PCDHA2: variants seen among roughly 807,000 people sequenced by gnomAD.
PCDHA2 encodes protocadherin alpha 2.
A neutral mutation model predicts 66.0 loss-of-function variants in PCDHA2; 58 were observed. The observed-to-expected ratio is 0.88, with a 90% CI of 0.71 to 1.09. PCDHA2 has a LOEUF of 1.09. Among genes scored for constraint, PCDHA2 ranks in the 50% least tolerant of loss-of-function variants. The pLI is 0.00. For missense variants in PCDHA2, 1,267 were observed against 1,242.3 expected, an observed-to-expected ratio of 1.02 and a Z score of -0.30; for synonymous variants, 634 against 554.0, an observed-to-expected ratio of 1.14 and a Z score of -2.03.
intron 3 of PCDHA2, among the ~76,000 whole-genome samples, chr5:141,007,395 CAAAAAAA>C (rs35800918): frequency 2.2e-3 from 204 of 94,846 alleles, no homozygotes; most frequent in African/African-American, 7.3e-3. Flanking sequence ...TACTAAAATA[CAAAAAAA>C]AAAAAAAAAA....
intron 1 of PCDHA2, among the ~76,000 whole-genome samples, chr5:140,896,320 C>G (rs1583228292): frequency 6.6e-6 from 1 of 152,182 alleles, no homozygotes; most frequent in Non-Finnish European, 1.5e-5. Context: ...CTGCTTTCCA[C>G]AGTGGCTAAA....
Position 140,928,140 on chromosome 5 carries a change from G to GGCC in PCDHA2, c.2389-50808_2389-50806dup. 3 of 1,614,154 alleles carry GGCC rather than the reference G, an allele frequency of 1.9e-6. No homozygotes were observed. The South Asian group carries it at 3.3e-5, about 18-fold the overall frequency. On this transcript the variant is annotated intron_variant, in intron 1 of 3. Transcript: ENST00000526136. ...TCAGTGAATACCAAGTCCTGATCAC[G>GGCC]GCCTCAGATAGTGGCTCACCCCCAC...
intron 1 of PCDHA2, chr5:140,821,766 C>G (rs1424332975): frequency 3.8e-6 from 6 of 1,592,294 alleles, no homozygotes; most frequent in Admixed American, 3.5e-5. Flanking sequence ...ATAATTGGAA[C>G]GAGATTGAGA....
intron 1 of PCDHA2, chr5:140,853,279 A>T: frequency 1.0e-6 from 1 of 979,476 alleles, no homozygotes; most frequent in African/African-American, 1.8e-5. Flanking sequence ...CTCTCATCAT[A>T]TGCAAATTCT....
At chr5:140,940,028 G>T (rs782276273) in intron 1 of PCDHA2, among the ~76,000 whole-genome samples, 1 of 152,048 alleles carries the variant, frequency 6.6e-6, no homozygotes, top group African/African-American at 2.4e-5. Context: ...ATGTTTTAAG[G>T]CTATTTTATT....
Position 140,850,654 on chromosome 5 carries a change from T to C in PCDHA2, c.2388+53302T>C, listed in dbSNP as rs2150492397. On this transcript the variant is annotated intron_variant, in intron 1 of 3. Coordinates refer to ENST00000526136, the MANE Select transcript of PCDHA2 (RefSeq NM_018905.3). ...GTTCTCACGCTGCTGCTGTACACTG[T>C]GCTGCGGTGCTCGGCGATGCCCACC... The C allele has an allele frequency of 1.6e-5, 25 of 1,598,638 alleles. 2 individuals are homozygous for C. The highest frequency in any genetic ancestry group is 2.1e-5 in the Non-Finnish European group (25 of 1,167,896).
At chr5:140,802,912 G>A in intron 1 of PCDHA2, 1 of 1,613,746 alleles carries the variant, frequency 6.2e-7, no homozygotes, top group Non-Finnish European at 8.5e-7. Flanking sequence ...CGGGTGGGTG[G>A]CATCGGTGGC....
intron 1 of PCDHA2, among the ~76,000 whole-genome samples, chr5:140,921,179 GT>G (rs1563044506): frequency 6.6e-6 from 1 of 151,662 alleles, no homozygotes; most frequent in South Asian, 2.1e-4. Context: ...ATAAAGCACA[GT>G]TTTTTCACAA....
chr5:140,927,306 G>T (rs782091835), intron 1 of PCDHA2: 10 of 1,614,040 alleles, frequency 6.2e-6, no homozygotes, highest in Non-Finnish European at 5.9e-6. Context: ...AGTTCCTGAC[G>T]CCCGGAGCCC....
intron 1 of PCDHA2, among the ~76,000 whole-genome samples, chr5:140,898,035 T>G (rs1227571900): frequency 5.9e-5 from 9 of 152,120 alleles, no homozygotes; most frequent in African/African-American, 2.2e-4. Context: ...TTGATGGGGT[T>G]GTTTGTTTTT....
chr5:140,951,141 T>G (rs2094552248), intron 1 of PCDHA2, among the ~76,000 whole-genome samples: 1 of 100,612 alleles, frequency 9.9e-6, no homozygotes, highest in Non-Finnish European at 2.0e-5. Context: ...TTCCTTTATC[T>G]TATTGAATAT....
chr5:140,945,807 C>G (rs1408404648), intron 1 of PCDHA2, among the ~76,000 whole-genome samples: 1 of 152,120 alleles, frequency 6.6e-6, no homozygotes, highest in African/African-American at 2.4e-5. Context: ...AGACCCTTAT[C>G]TCACACTGTA....
rs1413393487 is a variant in PCDHA2, at chr5:140,941,341, G to T, written c.2389-37608G>T. On this transcript the variant is annotated intron_variant, in intron 1 of 3. Coordinates refer to ENST00000526136, the MANE Select transcript of PCDHA2 (RefSeq NM_018905.3). ...TCTCTTTTTTTTTTTTTTTCAGATG[G>T]AGTCTTGCTCTGTTGCCTAGGCTGG... Among the ~76,000 whole-genome samples the T allele has an allele frequency of 2.5e-5, 3 of 119,500 alleles. No homozygotes were observed. The East Asian group carries it at 8.2e-4, about 33-fold the overall frequency. 78.4% of individuals were successfully genotyped at this position (119,500 alleles called of 152,430 possible).
intron 1 of PCDHA2, chr5:140,870,529 G>C: frequency 6.2e-7 from 1 of 1,614,214 alleles, no homozygotes. Flanking sequence ...CATCTTCACA[G>C]TGTCGGCGCG....
chr5:140,850,984 T>G (rs2150504982), intron 1 of PCDHA2: 15 of 1,451,674 alleles, frequency 1.0e-5, no homozygotes, highest in Non-Finnish European at 1.3e-5. Flanking sequence ...GTTTTATTCA[T>G]TTTTCTAGAA....
rs529585383 is a variant in PCDHA2 at position 140,982,571 on chromosome 5, G to T, written c.2536+8G>T. 243 of 1,613,888 alleles carry T rather than the reference G, an allele frequency of 1.5e-4. 4 individuals carry two copies. The South Asian group carries it at 2.5e-3, about 17-fold the overall frequency. ...TATCCAGTGCAACACCAGGTAAAGAGCTGGGGTCTCTCCATTCTTTCTTGG... is the reference window on the plus strand; with the variant it reads ...TATCCAGTGCAACACCAGGTAAAGATCTGGGGTCTCTCCATTCTTTCTTGG... On this transcript the variant is annotated splice_region_variant and intron_variant, in intron 3 of 3. Transcript: ENST00000526136.
At chr5:140,910,197 T>C (rs1318749477) in intron 1 of PCDHA2, among the ~76,000 whole-genome samples, 1 of 152,202 alleles carries the variant, frequency 6.6e-6, no homozygotes, top group African/African-American at 2.4e-5. Context: ...TAGTCTTTTG[T>C]CCACTTGACC....
chr5:140,933,388 G>A lies in PCDHA2; in HGVS notation c.2389-45561G>A, dbSNP rs142801424. On this transcript the variant is annotated intron_variant, in intron 1 of 3. Transcript: ENST00000526136. Reference sequence around the variant, plus strand: ...CCCAAATTCCTTGGCTGTTCCTAGAGCCATCTGGTTACCATCTACAGATAT... The same window carrying A: ...CCCAAATTCCTTGGCTGTTCCTAGAACCATCTGGTTACCATCTACAGATAT... Among the ~76,000 whole-genome samples the A allele has an allele frequency of 5.4e-3, 828 of 152,024 alleles. 4 individuals carry two copies. The highest frequency in any genetic ancestry group is 0.019 in the African/African-American group (797 of 41,508).
intron 3 of PCDHA2, among the ~76,000 whole-genome samples, chr5:140,994,862 G>A (rs1434007632): frequency 1.3e-5 from 2 of 152,174 alleles, no homozygotes; most frequent in African/African-American, 4.8e-5. Flanking sequence ...TTTGATGGAT[G>A]TGGTAGAATA....
Sources: gnomAD v4.1 joint callset for allele counts (sites outside exome capture counted in the v4.1 genomes callset) on GRCh38, gnomAD v4.1.1 for gene constraint, MANE v1.5 for transcripts, NCBI Gene and HGNC (gene_info 2026-07-23, HGNC 2026-07-21) for gene names.